The following TRPM3 variants were observed in gnomAD, a reference collection of about 807,000 sequenced individuals.
TRPM3 encodes transient receptor potential cation channel subfamily M member 3.
In TRPM3, 77 loss-of-function variants were observed where a neutral mutation model predicts 181.2. That is an observed-to-expected ratio of 0.42 (90% CI 0.35 to 0.51). The LOEUF is 0.51. TRPM3 is among the 20% of genes least tolerant of loss of function. TRPM3 has a pLI of 0.01. For synonymous variants in TRPM3, 745 were observed against 796.4 expected (o/e 0.94, Z 1.09); for missense variants, 1,759 against 2,196.7 (o/e 0.80, Z 3.98).
intron 7 of TRPM3, among the ~76,000 whole-genome samples, chr9:70,770,404 A>G (rs2079997824): frequency 6.6e-6 from 1 of 152,210 alleles, no homozygotes; most frequent in Non-Finnish European, 1.5e-5. Context: ...TAAGAGTTTC[A>G]ATGATATCAA....
chr9:70,534,184 G>A lies in TRPM3; in HGVS notation c.*1769C>T, dbSNP rs188671046. On this transcript the variant is annotated 3_prime_UTR_variant, in exon 26 of 26. Coordinates refer to ENST00000677713, the MANE Select transcript of TRPM3 (RefSeq NM_001366145.2). ...AGTCTGTAACACTAGCTGGTTTAAA[G>A]TTGCGTGTCTATTCAGATTGTACGT... The A allele has an allele frequency of 1.4e-4, 22 of 152,270 alleles. 1 individual carries two copies. In the East Asian group the frequency reaches 2.3e-3, roughly 16 times the overall value. The allele number at this position is 152,270 out of a possible 1,614,324, so 9.4% of individuals were successfully genotyped here.
rs949339520 is a variant in TRPM3 at position 70,846,556 on chromosome 9, G to A, written c.498C>T (p.Leu166=). The A allele has an allele frequency of 6.2e-7, 1 of 1,614,140 alleles. No homozygotes were observed. The highest frequency in any genetic ancestry group is 8.5e-7 in the Non-Finnish European group (1 of 1,180,014). ...ATTCCTTGGTCATCAGGTGTAAGAG[G>A]AGATCAGGTTTTGTATCAAAAGATA... ...VRVSFDTKPD[L]LLHLMTKEWQ... is the part of the protein sequence containing the mutation. Residue 166 remains leucine, a synonymous_variant, in exon 4 of 26, where the codon CTC becomes CTT. Coordinates refer to ENST00000677713, the MANE Select transcript of TRPM3 (RefSeq NM_001366145.2).
intron 1 of TRPM3, among the ~76,000 whole-genome samples, chr9:71,278,707 CTA>C (rs143262432): frequency 0.11 from 16,071 of 152,046 alleles, 1,070 homozygotes; most frequent in Non-Finnish European, 0.14. Context: ...AACAGTAACT[CTA>C]TGTGGCTCAA....
At position 70,537,322 on chromosome 9, in the gene TRPM3, C is replaced by A. The variant is rs767318435; in HGVS notation, c.3791G>T (p.Arg1264Leu). Residue 1264 changes from arginine (R) to leucine (L), a missense_variant, in exon 26 of 26, where the codon CGG becomes CTG. By Grantham distance (102) the Arg-to-Leu change is moderately radical. Transcript: ENST00000677713. The part of the protein sequence containing the change: ...MKASLQTVDI[R>L]LAQLEDLIGR... ...GATAAGGTCTTCCAGCTGCGCCAGCCGGATGTCCACGGTCTGGAGTGAAGC... is the reference window on the plus strand; with the variant it reads ...GATAAGGTCTTCCAGCTGCGCCAGCAGGATGTCCACGGTCTGGAGTGAAGC... The A allele has an allele frequency of 2.6e-6, 4 of 1,521,328 alleles. No homozygotes were observed. Among genetic ancestry groups the A allele is most frequent in the African/African-American group, 2.8e-5 (2 of 72,070 alleles). 94.2% of individuals were successfully genotyped at this position (1,521,328 alleles called of 1,614,324 possible).
intron 6 of TRPM3, among the ~76,000 whole-genome samples, chr9:70,791,493 G>A (rs1228467000): frequency 1.3e-5 from 2 of 152,116 alleles, no homozygotes; most frequent in Non-Finnish European, 2.9e-5. Context: ...TTTCTTAAAT[G>A]TCTTTTTCTC....
chr9:70,976,383 G>C (rs576226517), intron 1 of TRPM3, among the ~76,000 whole-genome samples: 1 of 152,204 alleles, frequency 6.6e-6, no homozygotes, highest in Non-Finnish European at 1.5e-5. Flanking sequence ...CACATGGAAG[G>C]TGAGTGTTCC....
intron 1 of TRPM3, among the ~76,000 whole-genome samples, chr9:70,912,335 A>C (rs1049673727): frequency 2.0e-5 from 3 of 152,220 alleles, no homozygotes; most frequent in Non-Finnish European, 4.4e-5. Context: ...CCCAGTTAAA[A>C]ATTGCAGAAC....
chr9:71,105,508 G>A (rs1253749068), intron 1 of TRPM3, among the ~76,000 whole-genome samples: 1 of 152,150 alleles, frequency 6.6e-6, no homozygotes, highest in Non-Finnish European at 1.5e-5. Context: ...GGGTAATCAT[G>A]TTAGGATTGG....
chr9:71,050,486 A>AT (rs2059944724), intron 1 of TRPM3, among the ~76,000 whole-genome samples: 1 of 152,196 alleles, frequency 6.6e-6, no homozygotes, highest in African/African-American at 2.4e-5. Context: ...AACCAAAGTA[A>AT]TGAGTGGGCA....
Position 71,131,401 on chromosome 9 carries a change from G to T in TRPM3, c.184-266890C>A, listed in dbSNP as rs555109116. Among the ~76,000 whole-genome samples, 9 of 152,222 alleles carry T rather than the reference G, an allele frequency of 5.9e-5. No individual in the cohort carries two copies. In the South Asian group the frequency reaches 1.9e-3, roughly 32 times the overall value. ...TTTCAGAATTGGTAGCTATTTAATT[G>T]ATTGGTTTATTTACTTTTGGCCTTA... On this transcript the variant is annotated intron_variant, in intron 1 of 24. Coordinates refer to the TRPM3 transcript ENST00000357533.
At chr9:70,555,832 C>G (rs2047556102) in intron 22 of TRPM3, among the ~76,000 whole-genome samples, 1 of 152,214 alleles carries the variant, frequency 6.6e-6, no homozygotes, top group Non-Finnish European at 1.5e-5. Context: ...TCCTCTGGCT[C>G]CTGCTCAGAT....
chr9:70,621,165 A>G (rs1463593439), intron 15 of TRPM3, 79 bp downstream of exon 15: 2 of 606,392 alleles, frequency 3.3e-6, no homozygotes, highest in South Asian at 7.8e-5. Context: ...TTTTATATAT[A>G]TACTATATAT....
intron 1 of TRPM3, among the ~76,000 whole-genome samples, chr9:70,916,780 G>T (rs1227467570): frequency 1.3e-5 from 2 of 152,206 alleles, no homozygotes; most frequent in African/African-American, 2.4e-5. Context: ...ATGGAAAAAT[G>T]CTTCAGCTCA....
At chr9:70,622,338 G>A (rs11790001) in intron 14 of TRPM3, among the ~76,000 whole-genome samples, 31,021 of 152,202 alleles carry the variant, frequency 0.2, 4,008 homozygotes, top group Non-Finnish European at 0.28. Context: ...AAATGAACAA[G>A]GAAACCTTCT....
At chr9:70,776,539 C>T (rs1015136812) in intron 7 of TRPM3, 7 of 669,322 alleles carry the variant, frequency 1.0e-5, no homozygotes, top group Non-Finnish European at 1.9e-5. Context: ...AAACTGAATG[C>T]CCTTAAAAAC....
At position 71,221,319 on chromosome 9, in the gene TRPM3, C is replaced by A. The variant is rs114010986; in HGVS notation, c.183+225334G>T. Among the ~76,000 whole-genome samples the A allele has an allele frequency of 5.1e-4, 77 of 152,278 alleles. No homozygotes were observed. The Middle Eastern group carries it at 0.01, about 20-fold the overall frequency. ...TGCCGACCCTCATCCTACAGCAGAA[C>A]TGTGCAGTAAAATATAGTGTAATTT... On this transcript the variant is annotated intron_variant, in intron 1 of 24. Coordinates refer to the TRPM3 transcript ENST00000357533.
At chr9:71,073,655 CAATTT>C (rs1308182864) in intron 1 of TRPM3, among the ~76,000 whole-genome samples, 1 of 151,740 alleles carries the variant, frequency 6.6e-6, no homozygotes, top group African/African-American at 2.4e-5. Context: ...AAAAAAAACC[CAATTT>C]ATTTAGAAAA....
At chr9:71,148,780 G>A (rs986467761) in intron 1 of TRPM3, among the ~76,000 whole-genome samples, 1 of 152,178 alleles carries the variant, frequency 6.6e-6, no homozygotes, top group Non-Finnish European at 1.5e-5. Context: ...AAGGAAGAGA[G>A]AGTAAGAACA....
intron 7 of TRPM3, chr9:70,775,718 T>C (rs1457224752): frequency 2.6e-5 from 4 of 152,056 alleles, no homozygotes; most frequent in African/African-American, 9.7e-5. Flanking sequence ...TCCTTTGAAA[T>C]GCAAATTACC....
Sources: allele counts gnomAD v4.1 joint callset (sites outside exome capture counted in the v4.1 genomes callset), GRCh38; gene constraint gnomAD v4.1.1; transcripts MANE v1.5; gene names NCBI Gene and HGNC (gene_info 2026-07-23, HGNC 2026-07-21).